Variants in KLRD1 observed in about 807,000 individuals in gnomAD.
KLRD1 encodes the protein natural killer cells antigen CD94.
A neutral mutation model predicts 22.6 loss-of-function variants in KLRD1; 21 were observed. The ratio of observed to expected loss-of-function variants is 0.93; its 90% CI spans 0.66 to 1.34. KLRD1 has a LOEUF of 1.34. KLRD1 is among the 40% of genes most tolerant of loss of function. The probability of loss-of-function intolerance (pLI) is 0.00; values close to 1 mark genes in which losing one functional copy is unlikely to be tolerated. For missense variants in KLRD1, 183 were observed against 208.6 expected, an observed-to-expected ratio of 0.88 and a Z score of 0.76; for synonymous variants, 59 against 71.1, an observed-to-expected ratio of 0.83 and a Z score of 0.85.
intron 1 of KLRD1, among the ~76,000 whole-genome samples, chr12:10,270,449 CA>C (rs1389596915): frequency 2.0e-5 from 3 of 152,022 alleles, no homozygotes; most frequent in Non-Finnish European, 2.9e-5. Flanking sequence ...AGACACGGTT[CA>C]AAAAGAGAGA....
Position 10,246,851 on chromosome 12 carries a change from C to T in KLRD1, c.-101+20618C>T, listed in dbSNP as rs535233675. Among the ~76,000 whole-genome samples the T allele has an allele frequency of 2.0e-4, 31 of 151,966 alleles. 1 individual carries two copies. The highest frequency in any genetic ancestry group is 7.5e-4 in the African/African-American group (31 of 41,458). ...CCACATTGAAGTCTTCCTTCATAGT[C>T]CCATTAAATGGAGAGTCAGCAGATG... On this transcript the variant is annotated intron_variant, in intron 1 of 5. Coordinates refer to the KLRD1 transcript ENST00000544747.
At chr12:10,300,563 T>C (rs772144906), upstream of KLRD1, among the ~76,000 whole-genome samples, 2 of 152,188 alleles carry the variant, frequency 1.3e-5, no homozygotes, top group Non-Finnish European at 2.9e-5. Flanking sequence ...AGAATAGATA[T>C]AGCATAATTC....
At chr12:10,254,995 C>T (rs1185740146) in intron 1 of KLRD1, among the ~76,000 whole-genome samples, 1 of 149,192 alleles carries the variant, frequency 6.7e-6, no homozygotes, top group African/African-American at 2.5e-5. Flanking sequence ...ATGAAAAAAG[C>T]TCAACATCGC....
chr12:10,291,450 A>G (rs1301133015), intron 1 of KLRD1, among the ~76,000 whole-genome samples: 1 of 152,086 alleles, frequency 6.6e-6, no homozygotes, highest in Non-Finnish European at 1.5e-5. Context: ...TTTATCAACT[A>G]CATTTTTTGT....
At chr12:10,287,135 C>G (rs1318953725) in intron 1 of KLRD1, among the ~76,000 whole-genome samples, 1 of 149,912 alleles carries the variant, frequency 6.7e-6, no homozygotes, top group Non-Finnish European at 1.5e-5. Context: ...GACTCTGTCT[C>G]AAAACAAAAA....
intron 1 of KLRD1, among the ~76,000 whole-genome samples, chr12:10,287,473 C>A (rs983067916): frequency 5.9e-5 from 9 of 152,002 alleles, no homozygotes; most frequent in Non-Finnish European, 1.2e-4. Flanking sequence ...TAACTTCAAA[C>A]AAATCCAAAT....
chr12:10,240,553 G>A (rs1274502251), intron 1 of KLRD1, among the ~76,000 whole-genome samples: 1 of 152,112 alleles, frequency 6.6e-6, no homozygotes, highest in East Asian at 1.9e-4. Context: ...TAAACATTAA[G>A]TAATATAGAC....
intron 1 of KLRD1, chr12:10,308,301 A>G: frequency 1.8e-6 from 1 of 541,986 alleles, no homozygotes; most frequent in African/African-American, 1.9e-5. Context: ...ACAGGTTTGA[A>G]GAGTGGTTTC....
chr12:10,246,147 T>C (rs1352274700), intron 1 of KLRD1, among the ~76,000 whole-genome samples: 1 of 152,226 alleles, frequency 6.6e-6, no homozygotes, highest in Non-Finnish European at 1.5e-5. Context: ...GTTGCCCTAC[T>C]TAATTGTATA....
intron 1 of KLRD1, among the ~76,000 whole-genome samples, chr12:10,252,854 G>A (rs954815540): frequency 6.6e-6 from 1 of 151,860 alleles, no homozygotes; most frequent in Non-Finnish European, 1.5e-5. Flanking sequence ...ATGAACCAGG[G>A]TTGGGAGTGC....
chr12:10,282,991 T>G (rs1335391592), intron 1 of KLRD1, among the ~76,000 whole-genome samples: 1 of 152,194 alleles, frequency 6.6e-6, no homozygotes, highest in Non-Finnish European at 1.5e-5. Flanking sequence ...GGTAGGTTGA[T>G]GTATTCGTGA....
intron 1 of KLRD1, among the ~76,000 whole-genome samples, chr12:10,250,944 A>G (rs1355126131): frequency 1.3e-5 from 2 of 152,118 alleles, no homozygotes; most frequent in Non-Finnish European, 2.9e-5. Context: ...CGCAAGTGCC[A>G]TGTTTCGTTC....
At chr12:10,301,435 A>G (rs79731558), upstream of KLRD1, among the ~76,000 whole-genome samples, 9,572 of 152,228 alleles carry the variant, frequency 0.063, 348 homozygotes, top group East Asian at 0.17. Flanking sequence ...CCTTACCCTG[A>G]TCAGTAGATG....
At chr12:10,251,540 A>C (rs1203823392) in intron 1 of KLRD1, among the ~76,000 whole-genome samples, 1 of 152,046 alleles carries the variant, frequency 6.6e-6, no homozygotes, top group African/African-American at 2.4e-5. Flanking sequence ...GGATGGGAGC[A>C]AGAGGGGGAT....
intron 1 of KLRD1, among the ~76,000 whole-genome samples, chr12:10,289,920 AGG>A (rs1949750520): frequency 1.3e-5 from 2 of 152,056 alleles, no homozygotes; most frequent in Non-Finnish European, 2.9e-5. Context: ...CTGGGATTAC[AGG>A]CATGCACCAC....
intron 1 of KLRD1, among the ~76,000 whole-genome samples, chr12:10,286,296 C>T (rs190943772): frequency 3.3e-5 from 5 of 152,306 alleles, no homozygotes; most frequent in African/African-American, 1.2e-4. Flanking sequence ...CTCACTGTAA[C>T]TAATAATGAA....
intron 1 of KLRD1, among the ~76,000 whole-genome samples, chr12:10,243,866 T>G (rs1162669925): frequency 2.0e-5 from 3 of 152,126 alleles, no homozygotes; most frequent in Non-Finnish European, 4.4e-5. Flanking sequence ...AAAAATACAA[T>G]GATTCCGTGT....
chr12:10,312,634 T>G (rs183572150), intron 4 of KLRD1, among the ~76,000 whole-genome samples: 2,872 of 149,120 alleles, frequency 0.019, 42 homozygotes, highest in Non-Finnish European at 0.031. Flanking sequence ...CACCTCTGCC[T>G]CCCAAAGTGC....
chr12:10,267,952 G>C (rs1434146520), intron 1 of KLRD1, among the ~76,000 whole-genome samples: 2 of 152,216 alleles, frequency 1.3e-5, no homozygotes, highest in Non-Finnish European at 2.9e-5. Context: ...GGGGAAGGGA[G>C]CTGTGGACCA....
Sources: allele counts gnomAD v4.1 joint callset (sites outside exome capture counted in the v4.1 genomes callset), GRCh38; gene constraint gnomAD v4.1.1; transcripts MANE v1.5; gene names NCBI Gene and HGNC (gene_info 2026-07-23, HGNC 2026-07-21).